EIF4EBP1: variants seen among roughly 807,000 people sequenced by gnomAD.
EIF4EBP1 encodes eukaryotic translation initiation factor 4E binding protein 1.
EIF4EBP1 carries 5 observed loss-of-function variants against 9.2 expected under a neutral mutation model. The ratio of observed to expected loss-of-function variants is 0.54; its 90% CI spans 0.28 to 1.14. The LOEUF (loss-of-function observed/expected upper bound fraction) is 1.14, where lower values mean the gene tolerates loss of function less well. Among genes scored for constraint, EIF4EBP1 ranks in the 50% most tolerant of loss-of-function variants. EIF4EBP1 has a pLI of 0.09. For missense variants in EIF4EBP1, 139 were observed against 169.6 expected (o/e 0.82, Z 1.00); for synonymous variants, 62 against 67.0 (o/e 0.93, Z 0.36).
chr8:38,055,513 ATACC>A (rs904716831), intron 1 of EIF4EBP1, among the ~76,000 whole-genome samples: 3 of 152,064 alleles, frequency 2.0e-5, no homozygotes, highest in Non-Finnish European at 2.9e-5. Context: ...AATTATTACC[ATACC>A]TTGCATTCCA....
At position 38,036,346 on chromosome 8, in the gene EIF4EBP1, TA is replaced by T. The variant is rs1178715088; in HGVS notation, c.145+5633del. Among the ~76,000 whole-genome samples, 1,161 of 151,422 alleles carry T rather than the reference TA, an allele frequency of 7.7e-3. 10 individuals carry two copies. Among genetic ancestry groups the T allele is most frequent in the African/African-American group, 0.026 (1,080 of 41,266 alleles). On this transcript the variant is annotated intron_variant, in intron 1 of 2. Coordinates refer to ENST00000338825, the MANE Select transcript of EIF4EBP1 (RefSeq NM_004095.4). ...CAACATGGTGAAACCCCATCTCTAA[TA>T]AAAATACAAAAAAAAATTAGCCGGG...
intron 1 of EIF4EBP1, among the ~76,000 whole-genome samples, chr8:38,053,689 C>T (rs996509361): frequency 2.6e-5 from 4 of 152,286 alleles, no homozygotes; most frequent in South Asian, 2.1e-4. Context: ...GCAAAATGCG[C>T]GCACACTCTC....
chr8:38,043,439 A>C (rs1809410223), intron 1 of EIF4EBP1, among the ~76,000 whole-genome samples: 1 of 144,828 alleles, frequency 6.9e-6, no homozygotes, highest in Non-Finnish European at 1.5e-5. Flanking sequence ...ATCTTGGCTC[A>C]CTGCAACCTC....
intron 1 of EIF4EBP1, among the ~76,000 whole-genome samples, chr8:38,039,578 AT>A (rs1325715439): frequency 6.6e-6 from 1 of 151,178 alleles, no homozygotes; most frequent in Non-Finnish European, 1.5e-5. Context: ...GCTAATTTGT[AT>A]TTTTAGTAGA....
chr8:38,033,050 TTTTC>T (rs201798560), intron 1 of EIF4EBP1, among the ~76,000 whole-genome samples: 2,852 of 150,412 alleles, frequency 0.019, 27 homozygotes, highest in Non-Finnish European at 0.028. Flanking sequence ...CATTTCTTTC[TTTTC>T]TTTCTTTCTT....
intron 2 of EIF4EBP1, among the ~76,000 whole-genome samples, chr8:38,059,394 C>T (rs762345952): frequency 6.6e-6 from 1 of 152,168 alleles, no homozygotes; most frequent in African/African-American, 2.4e-5. Flanking sequence ...CCTGAGGCCT[C>T]CCCAGAAGCC....
intron 1 of EIF4EBP1, among the ~76,000 whole-genome samples, chr8:38,052,123 A>G (rs1809533280): frequency 6.6e-6 from 1 of 152,132 alleles, no homozygotes; most frequent in African/African-American, 2.4e-5. Flanking sequence ...CTGTCAGACC[A>G]CACCTGACCA....
intron 1 of EIF4EBP1, among the ~76,000 whole-genome samples, chr8:38,032,817 G>A (rs1033489263): frequency 3.9e-5 from 6 of 152,148 alleles, no homozygotes; most frequent in African/African-American, 2.4e-5. Context: ...AAGCCTGGTC[G>A]GCCTCGATTA....
chr8:38,033,743 C>CT (rs34809551), intron 1 of EIF4EBP1, among the ~76,000 whole-genome samples: 75,451 of 104,286 alleles, frequency 0.72, 28,117 homozygotes, highest in Middle Eastern at 0.83. Context: ...GTTTGCTTTC[C>CT]TTTTTTTTTT....
At chr8:38,050,094 T>C (rs1163564771) in intron 1 of EIF4EBP1, among the ~76,000 whole-genome samples, 1 of 151,990 alleles carries the variant, frequency 6.6e-6, no homozygotes, top group Non-Finnish European at 1.5e-5. Flanking sequence ...GTATTTTTAG[T>C]AGAGACGGGG....
At chr8:38,057,697 G>T (rs1157312338) in intron 2 of EIF4EBP1, among the ~76,000 whole-genome samples, 1 of 152,174 alleles carries the variant, frequency 6.6e-6, no homozygotes, top group African/African-American at 2.4e-5. Flanking sequence ...TACAAGATAA[G>T]AAATACATCC....
chr8:38,052,266 C>CTT (rs879655309), intron 1 of EIF4EBP1, among the ~76,000 whole-genome samples: 1 of 143,916 alleles, frequency 6.9e-6, no homozygotes. Flanking sequence ...TAAGGTTTGT[C>CTT]TTTTTTTTTT....
intron 1 of EIF4EBP1, among the ~76,000 whole-genome samples, chr8:38,036,012 T>C (rs1809297211): frequency 6.7e-6 from 1 of 148,988 alleles, no homozygotes; most frequent in Admixed American, 6.7e-5. Context: ...CGGCCTATTT[T>C]ATTTTATTTT....
At position 38,055,780 on chromosome 8, in the gene EIF4EBP1, A is replaced by C. The variant is rs575630200; in HGVS notation, c.146-1301A>C. ...GGGAGGCCGAGGCAGGCAGATCACG[A>C]GGTCAAGAGTTTGAGACCAGCCTGG... On this transcript the variant is annotated intron_variant, in intron 1 of 2. Coordinates refer to ENST00000338825, the MANE Select transcript of EIF4EBP1 (RefSeq NM_004095.4). 2.7e-4 allele frequency among the ~76,000 whole-genome samples: 41 copies of C among 152,184 alleles called. No individual in the cohort carries two copies. The Middle Eastern group carries it at 0.02, about 76-fold the overall frequency.
chr8:38,031,504 A>T (rs759237568), intron 1 of EIF4EBP1, among the ~76,000 whole-genome samples: 1 of 152,046 alleles, frequency 6.6e-6, no homozygotes, highest in Admixed American at 6.5e-5. Context: ...GATGAAACCT[A>T]CGCGCCTGTT....
Position 38,060,053 on chromosome 8 carries a change from G to T in EIF4EBP1, c.*118G>T. On this transcript the variant is annotated 3_prime_UTR_variant, in exon 3 of 3. Coordinates refer to ENST00000338825, the MANE Select transcript of EIF4EBP1 (RefSeq NM_004095.4). ...CTGGGCAGGCGTTGGCGTGGGGTCG[G>T]ACACCCCAGCCCTTTCTCCCTCACT... is the stretch of plus-strand genomic sequence containing the variant. 1 of 1,027,566 alleles carries T rather than the reference G, an allele frequency of 9.7e-7. No homozygotes were observed. The highest frequency in any genetic ancestry group is 1.8e-5 in the Admixed American group (1 of 56,144). The allele number at this position is 1,027,566 out of a possible 1,614,324, so 63.7% of individuals were successfully genotyped here.
rs1345222255 is a variant in EIF4EBP1, at chr8:38,040,670, G to C, written c.145+9952G>C. Among the ~76,000 whole-genome samples, 3 of 152,164 alleles carry C rather than the reference G, an allele frequency of 2.0e-5. No homozygotes were observed. In the East Asian group the frequency reaches 5.8e-4, roughly 29 times the overall value. On this transcript the variant is annotated intron_variant, in intron 1 of 2. Transcript: ENST00000338825. ...CATTGCTGGGGACAGCTGGAAGCCT[G>C]GGAGTTCCCTCTATCCTCTTGGTCT...
At chr8:38,036,372 G>C (rs1323944603) in intron 1 of EIF4EBP1, among the ~76,000 whole-genome samples, 3 of 152,058 alleles carry the variant, frequency 2.0e-5, no homozygotes, top group Admixed American at 2.0e-4. Flanking sequence ...AATTAGCCGG[G>C]CCTGGTGGCA....
At chr8:38,043,700 G>A (rs1809414330) in intron 1 of EIF4EBP1, among the ~76,000 whole-genome samples, 1 of 152,120 alleles carries the variant, frequency 6.6e-6, no homozygotes, top group Non-Finnish European at 1.5e-5. Context: ...GGGCCTCAGA[G>A]GGAGAGGCTG....
Sources: gnomAD v4.1 joint callset for allele counts (sites outside exome capture counted in the v4.1 genomes callset) on GRCh38, gnomAD v4.1.1 for gene constraint, MANE v1.5 for transcripts, NCBI Gene and HGNC (gene_info 2026-07-23, HGNC 2026-07-21) for gene names.